ATXN1: variants seen among roughly 807,000 people sequenced by gnomAD.
The protein encoded by ATXN1 is ataxin-1.
In ATXN1, 8 loss-of-function variants were observed where a neutral mutation model predicts 56.4. The observed-to-expected ratio is 0.14, with a 90% CI of 0.08 to 0.26. The LOEUF is 0.26. ATXN1 is among the 10% of genes least tolerant of loss of function. ATXN1 has a pLI of 1.00. For missense variants in ATXN1, 987 were observed against 1,106.5 expected (o/e 0.89, Z 1.53); for synonymous variants, 514 against 494.6 (o/e 1.04, Z -0.52).
At chr6:16,576,466 C>A (rs539238259) in intron 4 of ATXN1, among the ~76,000 whole-genome samples, 1 of 152,316 alleles carries the variant, frequency 6.6e-6, no homozygotes, top group South Asian at 2.1e-4. Context: ...AAGAACTGCA[C>A]ACAATAGAGA....
At chr6:16,611,060 G>T (rs1302887903) in intron 3 of ATXN1, among the ~76,000 whole-genome samples, 1 of 151,870 alleles carries the variant, frequency 6.6e-6, no homozygotes, top group Non-Finnish European at 1.5e-5. Flanking sequence ...TATAAGGAGA[G>T]CATATAACAA....
intron 2 of ATXN1, among the ~76,000 whole-genome samples, chr6:16,681,312 A>G (rs1449055159): frequency 6.6e-6 from 1 of 152,264 alleles, no homozygotes; most frequent in African/African-American, 2.4e-5. Context: ...ATCCCAAGAA[A>G]CCAGAGCACA....
intron 6 of ATXN1, among the ~76,000 whole-genome samples, chr6:16,333,874 A>G (rs904477144): frequency 2.6e-5 from 4 of 152,220 alleles, no homozygotes; most frequent in Non-Finnish European, 5.9e-5. Context: ...ATTTTGGCCA[A>G]GCATTAAAAA....
rs9464915 is a variant in ATXN1 at position 16,506,266 on chromosome 6, G to A, written c.-299+16361C>T. ...TGGGTGACATGGAGCAGGCAGCATC[G>A]TTTCAAGTTCATCATTTTATTAAGC... On this transcript the variant is annotated intron_variant, in intron 5 of 7. Transcript: ENST00000436367. This position sits in a 1 kb window ranked among gnomAD's most constrained non-coding sequence, Gnocchi z 4.1. Among the ~76,000 whole-genome samples the A allele has an allele frequency of 0.047, 7,136 of 152,212 alleles. 558 individuals are homozygous for A. Among genetic ancestry groups the A allele is most frequent in the African/African-American group, 0.16 (6,642 of 41,508 alleles).
chr6:16,561,794 A>G (rs985272080), intron 4 of ATXN1, among the ~76,000 whole-genome samples: 4 of 152,110 alleles, frequency 2.6e-5, no homozygotes, highest in Admixed American at 2.0e-4. Flanking sequence ...CAGAGATGCA[A>G]CAGAAGCAGA....
intron 3 of ATXN1, among the ~76,000 whole-genome samples, chr6:16,602,261 C>T (rs773579431): frequency 4.1e-4 from 62 of 152,222 alleles, no homozygotes; most frequent in Non-Finnish European, 7.1e-4. Context: ...TTTCCCACCC[C>T]TGCCCTGTCA....
rs530828961 is a variant in ATXN1, at chr6:16,333,711, C to T, written c.-160-5241G>A. Among the ~76,000 whole-genome samples, 5 of 152,250 alleles carry T rather than the reference C, an allele frequency of 3.3e-5. No homozygotes were observed. The East Asian group carries it at 9.6e-4, about 29-fold the overall frequency. On this transcript the variant is annotated intron_variant, in intron 6 of 7. Coordinates refer to ENST00000436367, the MANE Select transcript of ATXN1 (RefSeq NM_001128164.2). ...GCCAGGACTGGAAAAACTACGTATG[C>T]AAACACTGAAGAGGGCAGAATACCT...
intron 6 of ATXN1, among the ~76,000 whole-genome samples, chr6:16,382,491 A>G (rs1758149955): frequency 6.6e-6 from 1 of 152,148 alleles, no homozygotes; most frequent in Non-Finnish European, 1.5e-5. Context: ...ATTCCCTTGG[A>G]AGGTTTTGCT....
intron 2 of ATXN1, among the ~76,000 whole-genome samples, chr6:16,660,053 T>C (rs750365899): frequency 3.3e-5 from 5 of 152,236 alleles, no homozygotes; most frequent in Non-Finnish European, 7.3e-5. Context: ...TGACCTTCAT[T>C]TGCACATACT....
At chr6:16,373,895 C>A (rs1032620402) in intron 6 of ATXN1, among the ~76,000 whole-genome samples, 1 of 152,256 alleles carries the variant, frequency 6.6e-6, no homozygotes. Flanking sequence ...CCAAATTAGA[C>A]CTGTTTCTCC....
chr6:16,613,163 G>A (rs1469539151), intron 3 of ATXN1, among the ~76,000 whole-genome samples: 1 of 149,174 alleles, frequency 6.7e-6, no homozygotes, highest in African/African-American at 2.4e-5. Flanking sequence ...CACTCGGGAG[G>A]CTGAGGCAGG....
chr6:16,398,549 T>C (rs1467535655), intron 6 of ATXN1, among the ~76,000 whole-genome samples: 1 of 152,204 alleles, frequency 6.6e-6, no homozygotes, highest in African/African-American at 2.4e-5. Context: ...CGTATATATA[T>C]GAACATGTGT....
At chr6:16,376,527 C>G (rs970653784) in intron 6 of ATXN1, among the ~76,000 whole-genome samples, 1 of 152,170 alleles carries the variant, frequency 6.6e-6, no homozygotes, top group African/African-American at 2.4e-5. Flanking sequence ...AAGGAAACAG[C>G]TGACATGGGG....
intron 6 of ATXN1, among the ~76,000 whole-genome samples, chr6:16,386,266 C>G (rs1758238531): frequency 6.6e-6 from 1 of 152,206 alleles, no homozygotes. Flanking sequence ...AACATGTCAG[C>G]TGCTTTGAAC....
chr6:16,373,408 T>G (rs1762083929), intron 6 of ATXN1, among the ~76,000 whole-genome samples: 1 of 152,212 alleles, frequency 6.6e-6, no homozygotes, highest in Admixed American at 6.5e-5. Flanking sequence ...GAAAGACAAA[T>G]GGCAGATGGA....
chr6:16,388,738 C>T (rs1272074513), intron 6 of ATXN1, among the ~76,000 whole-genome samples: 4 of 152,166 alleles, frequency 2.6e-5, no homozygotes, highest in Admixed American at 6.5e-5. Context: ...CCTTTAGTGA[C>T]TTGTTTTAAC....
chr6:16,415,431 T>C (rs1758882243), intron 6 of ATXN1, among the ~76,000 whole-genome samples: 1 of 152,342 alleles, frequency 6.6e-6, no homozygotes, highest in East Asian at 1.9e-4. Context: ...GGTTTGGCCA[T>C]GTTGGCCAGG....
At chr6:16,512,210 A>G (rs1489436517) in intron 5 of ATXN1, among the ~76,000 whole-genome samples, 1 of 152,178 alleles carries the variant, frequency 6.6e-6, no homozygotes, top group Non-Finnish European at 1.5e-5. Context: ...TTTACCACAT[A>G]GTTTTCATAC....
At chr6:16,321,329 C>T (rs374222048) in intron 7 of ATXN1, among the ~76,000 whole-genome samples, 13 of 152,304 alleles carry the variant, frequency 8.5e-5, no homozygotes, top group African/African-American at 2.9e-4. Flanking sequence ...CAGTGAGGCC[C>T]AAGGGAAGTG....
Sources: allele counts gnomAD v4.1 joint callset (sites outside exome capture counted in the v4.1 genomes callset), GRCh38; gene constraint gnomAD v4.1.1; non-coding constraint Gnocchi (gnomAD v3.1); transcripts MANE v1.5; gene names NCBI Gene and HGNC (gene_info 2026-07-23, HGNC 2026-07-21).